The following DICER1 variants were observed in gnomAD, a reference collection of about 807,000 sequenced individuals.
DICER1 encodes endoribonuclease Dicer.
A neutral mutation model predicts 194.1 loss-of-function variants in DICER1; 43 were observed. The observed-to-expected ratio is 0.22, with a 90% CI of 0.17 to 0.29. The LOEUF is 0.29. Ranked by LOEUF, DICER1 falls within the 10% of genes least tolerant of loss-of-function variation. The probability of loss-of-function intolerance (pLI) is 1.00; values close to 1 mark genes in which losing one functional copy is unlikely to be tolerated. For synonymous variants in DICER1, 832 were observed against 820.5 expected (o/e 1.01, Z -0.24); for missense variants, 1,608 against 2,317.0 (o/e 0.69, Z 6.28).
At chr14:95,091,508 T>C (rs2099264380) in intron 24 of DICER1, 143 bp from the exon 25 acceptor site, 2 of 758,872 alleles carry the variant, frequency 2.6e-6, no homozygotes, top group South Asian at 1.6e-5. Flanking sequence ...GCCTACTATA[T>C]TGTAATAGTA....
intron 1 of DICER1, among the ~76,000 whole-genome samples, chr14:95,133,899 CACAGA>C (rs1478456566): frequency 6.6e-6 from 1 of 152,164 alleles, no homozygotes; most frequent in Non-Finnish European, 1.5e-5. Context: ...TAGTTCCTGA[CACAGA>C]ACAATGTCCA....
intron 14 of DICER1, among the ~76,000 whole-genome samples, chr14:95,110,740 A>G (rs1357980362): frequency 6.6e-6 from 1 of 152,186 alleles, no homozygotes; most frequent in Non-Finnish European, 1.5e-5. Context: ...GTCTATTACT[A>G]GAAGTTAGAT....
At chr14:95,104,219 T>A in intron 20 of DICER1, 93 bp from the exon 21 acceptor site, 2 of 1,082,662 alleles carry the variant, frequency 1.8e-6, no homozygotes, top group Non-Finnish European at 2.7e-6. Flanking sequence ...AAAACAAAGA[T>A]CCCAAAAATG....
rs376916603 is a variant in DICER1, at chr14:95,116,912, T to C, written c.1510-217A>G. On this transcript the variant is annotated intron_variant, in intron 9 of 26. Coordinates refer to ENST00000343455, the MANE Select transcript of DICER1 (RefSeq NM_177438.3). The stretch of plus-strand genomic sequence containing the variant: ...AAACTGATTTAATGAGACTCTCCAA[T>C]TCAGGATAAATTAAATGGTAACATA... Among the ~76,000 whole-genome samples, 205 of 152,284 alleles carry C rather than the reference T, an allele frequency of 1.3e-3. 2 individuals are homozygous for C. Among genetic ancestry groups the C allele is most frequent in the African/African-American group, 4.7e-3 (196 of 41,564 alleles).
Position 95,124,254 on chromosome 14 carries a change from T to C in DICER1, c.1318A>G (p.Asn440Asp). ...PETNFPSPFTNILCGIIFVER... is the reference protein window; with the variant it reads ...PETNFPSPFTDILCGIIFVER... ...ACAAAAATAATTCCGCACAAAATGT[T>C]GGTAAAAGGAGAAGGAAAATTTGTC... is the stretch of plus-strand genomic sequence containing the variant. Residue 440 changes from asparagine (N) to aspartate (D), a missense_variant, in exon 8 of 27, where the codon AAC (asparagine) becomes GAC (aspartate). By Grantham distance (23) the Asn-to-Asp change is conservative (BLOSUM62 1). This residue lies in a region of DICER1 where 657 missense variants were observed against 910.1 expected (regional missense o/e 0.72). Transcript: ENST00000343455. The surrounding 1 kb of genome is among the most constrained non-coding windows in gnomAD (Gnocchi z 4.5). The C allele has an allele frequency of 1.2e-6, 2 of 1,614,024 alleles. No homozygotes were observed. The highest frequency in any genetic ancestry group is 1.7e-6 in the Non-Finnish European group (2 of 1,180,030).
intron 1 of DICER1, chr14:95,141,043 C>A (rs1043025725): frequency 7.2e-5 from 11 of 151,846 alleles, no homozygotes; most frequent in African/African-American, 1.2e-4. Flanking sequence ...ATAAGGAAAT[C>A]AAAGTAAATA....
chr14:95,106,238 C>T lies in DICER1; in HGVS notation c.2805-15G>A. ...AATTGCGATATCTAAAAAAGAAAAA[C>T]AAAAAAACAATCAGTTGCTTTTTGA... On this transcript the variant is annotated splice_polypyrimidine_tract_variant and intron_variant, in intron 17 of 26. Transcript: ENST00000343455. The T allele has an allele frequency of 6.3e-7, 1 of 1,598,400 alleles. No homozygotes were observed. The highest frequency in any genetic ancestry group is 8.6e-7 in the Non-Finnish European group (1 of 1,167,094).
At chr14:95,119,557 T>C (rs1320607360) in intron 8 of DICER1, among the ~76,000 whole-genome samples, 4 of 152,206 alleles carry the variant, frequency 2.6e-5, no homozygotes. Context: ...AAAGAGTTTG[T>C]AACACCACAG....
chr14:95,122,618 C>A (rs1404531365), intron 8 of DICER1, among the ~76,000 whole-genome samples: 1 of 152,178 alleles, frequency 6.6e-6, no homozygotes, highest in East Asian at 1.9e-4. Context: ...ATTGTCTCTG[C>A]CATTGACTAG....
At chr14:95,094,487 G>T (rs1030734880) in intron 23 of DICER1, among the ~76,000 whole-genome samples, 1 of 152,198 alleles carries the variant, frequency 6.6e-6, no homozygotes, top group Non-Finnish European at 1.5e-5. Context: ...CTGGGCAGGT[G>T]CTGGGGCCTT....
At position 95,096,186 on chromosome 14, in the gene DICER1, A is replaced by G. The variant is rs1890313653; in HGVS notation, c.4734T>C (p.Ala1578=). The change falls in exon 23 of 27, where the codon GCT becomes GCC. Residue 1578 remains alanine, a synonymous_variant. Coordinates refer to ENST00000343455, the MANE Select transcript of DICER1 (RefSeq NM_177438.3). ...GCYLTSCGER[A]AQLFLCSLGL... Reference sequence around the variant, plus strand: ...CCAGTGAACAGAGGAAAAGCTGAGCAGCCCTCTCCCCACAGCTGGTTAAAT... The same window carrying G: ...CCAGTGAACAGAGGAAAAGCTGAGCGGCCCTCTCCCCACAGCTGGTTAAAT... The G allele has an allele frequency of 6.2e-7, 1 of 1,614,128 alleles. No homozygotes were observed. Among genetic ancestry groups the G allele is most frequent in the South Asian group, 1.1e-5 (1 of 91,094 alleles).
chr14:95,139,157 T>C (rs1022113012), intron 1 of DICER1, among the ~76,000 whole-genome samples: 1 of 152,218 alleles, frequency 6.6e-6, no homozygotes, highest in Non-Finnish European at 1.5e-5. Flanking sequence ...TTCAATCCTA[T>C]GTGCTCAATC....
rs201553563 is a variant in DICER1 at position 95,115,737 on chromosome 14, G to A, written c.1837C>T (p.Pro613Ser). 8 of 1,614,114 alleles carry A rather than the reference G, an allele frequency of 5.0e-6. No individual in the cohort carries two copies. In the South Asian group the frequency reaches 7.7e-5, roughly 16 times the overall value. Reference sequence around the variant, plus strand: ...CCATCGTCAGGCCTCAACACATATGGTGGGAAAACGTCATCATCATCCATG... The same window carrying A: ...CCATCGTCAGGCCTCAACACATATGATGGGAAAACGTCATCATCATCCATG... ...PVMDDDDVFP[P>S]YVLRPDDGGP... Residue 613 changes from proline (P) to serine (S), a missense_variant, in exon 11 of 27, where the codon CCA (proline) becomes TCA (serine). Around this residue, in one of 10 missense-constraint regions of DICER1, gnomAD observed 657 missense variants for 910.1 expected, o/e 0.72. Coordinates refer to ENST00000343455, the MANE Select transcript of DICER1 (RefSeq NM_177438.3).
At chr14:95,126,816 A>G (rs968759454) in intron 6 of DICER1, 68 bp from the exon 7 acceptor site, 93 of 985,172 alleles carry the variant, frequency 9.4e-5, no homozygotes, top group African/African-American at 2.9e-4. Flanking sequence ...AAAGTTTTTC[A>G]AAAAGCAAAA....
chr14:95,130,618 A>C (rs545226086), intron 4 of DICER1, among the ~76,000 whole-genome samples: 2 of 152,344 alleles, frequency 1.3e-5, no homozygotes, highest in African/African-American at 4.8e-5. Flanking sequence ...TGGATATTTA[A>C]GTGCTTTATT....
chr14:95,106,352 C>G, intron 17 of DICER1, 129 bp from the exon 18 acceptor site: 1 of 728,314 alleles, frequency 1.4e-6, no homozygotes, highest in Non-Finnish European at 2.3e-6. Context: ...TAACAATAAA[C>G]ATCTGTATTC....
intron 1 of DICER1, among the ~76,000 whole-genome samples, chr14:95,145,466 A>C (rs1445962150): frequency 6.6e-6 from 1 of 152,232 alleles, no homozygotes; most frequent in Non-Finnish European, 1.5e-5. Flanking sequence ...ATTTCACTGA[A>C]CTGTTTCTTA....
chr14:95,117,981 A>T (rs1892632006), intron 8 of DICER1, among the ~76,000 whole-genome samples: 2 of 152,192 alleles, frequency 1.3e-5, no homozygotes. Flanking sequence ...ATTGGTTTGT[A>T]CTGACAAATG....
At chr14:95,137,333 AAAGGGG>A (rs552010672) in intron 1 of DICER1, among the ~76,000 whole-genome samples, 45 of 143,070 alleles carry the variant, frequency 3.1e-4, no homozygotes, top group Non-Finnish European at 4.9e-4. Flanking sequence ...GAGGAAAGGG[AAAGGGG>A]AAGGGGAAGG....
Sources: gnomAD v4.1 joint callset for allele counts (sites outside exome capture counted in the v4.1 genomes callset) on GRCh38, gnomAD v4.1.1 for gene constraint, gnomAD v4.1.1 regional missense constraint, Gnocchi (gnomAD v3.1) non-coding constraint, MANE v1.5 for transcripts, NCBI Gene and HGNC (gene_info 2026-07-23, HGNC 2026-07-21) for gene names.